Variants in MLLT10 observed in about 807,000 individuals in gnomAD.
MLLT10 encodes the protein protein AF-10.
Under a neutral mutation model 129.1 loss-of-function variants are expected in MLLT10, and 30 were observed. The observed-to-expected ratio is 0.23, with a 90% CI of 0.17 to 0.32. The LOEUF is 0.32. MLLT10 is among the 10% of genes least tolerant of loss of function. MLLT10 has a pLI of 1.00. For missense variants in MLLT10, 1,119 were observed against 1,268.3 expected, an observed-to-expected ratio of 0.88 and a Z score of 1.79; for synonymous variants, 490 against 446.4, an observed-to-expected ratio of 1.10 and a Z score of -1.23.
Position 21,742,017 on chromosome 10 carries a change from C to T in MLLT10, c.*34C>T. ...AAACATCTAGAAATTGCCTATCCTG[C>T]TGTTCTAGCACTTCATCTGGCTGCC... On this transcript the variant is annotated 3_prime_UTR_variant, in exon 23 of 23. Transcript: ENST00000307729. The T allele has an allele frequency of 6.2e-7, 1 of 1,606,166 alleles. No individual in the cohort carries two copies. The highest frequency in any genetic ancestry group is 2.2e-5 in the East Asian group (1 of 44,790).
intron 3 of MLLT10, among the ~76,000 whole-genome samples, chr10:21,548,476 T>C (rs1285528216): frequency 2.0e-5 from 3 of 151,864 alleles, no homozygotes; most frequent in African/African-American, 7.3e-5. Flanking sequence ...TTCACGCCAT[T>C]CTCCTGCCTC....
At chr10:21,618,471 C>T (rs2045487259) in intron 8 of MLLT10, among the ~76,000 whole-genome samples, 1 of 152,008 alleles carries the variant, frequency 6.6e-6, no homozygotes, top group African/African-American at 2.4e-5. Flanking sequence ...TGCCACTGCA[C>T]TCCAGCCTGG....
chr10:21,670,313 G>C, intron 9 of MLLT10, 136 bp from the exon 10 acceptor site: 1 of 726,422 alleles, frequency 1.4e-6, no homozygotes, highest in Non-Finnish European at 2.1e-6. Flanking sequence ...GATTTTCTTA[G>C]GTGAACTGAC....
chr10:21,659,413 C>T (rs1564595912), intron 9 of MLLT10, among the ~76,000 whole-genome samples: 2 of 151,626 alleles, frequency 1.3e-5, no homozygotes, highest in Middle Eastern at 3.4e-3. Context: ...TGAGGCAAAA[C>T]GTAAAAACCA....
chr10:21,547,490 C>A (rs2130931531), intron 3 of MLLT10, among the ~76,000 whole-genome samples: 1 of 150,808 alleles, frequency 6.6e-6, no homozygotes, highest in Middle Eastern at 3.4e-3. Context: ...CTCACCTTAG[C>A]CTTCTAAGTA....
intron 3 of MLLT10, among the ~76,000 whole-genome samples, chr10:21,571,485 A>G (rs1454438700): frequency 1.3e-5 from 2 of 152,338 alleles, no homozygotes; most frequent in East Asian, 3.9e-4. Context: ...CAAGGCAGTA[A>G]GCTGGGCACA....
rs1227864963 is a variant in MLLT10 at position 21,717,722 on chromosome 10, C to CTCCTCCTCTTCCTCCTCCTCCTCT, written c.1878+3780_1878+3781insTTCCTCCTCCTCCTCTTCCTCCTC. Among the ~76,000 whole-genome samples, 80 of 61,890 alleles carry CTCCTCCTCTTCCTCCTCCTCCTCT rather than the reference C, an allele frequency of 1.3e-3. 18 individuals carry two copies. The highest frequency in any genetic ancestry group is 3.6e-3 in the African/African-American group (48 of 13,162). The allele number at this position is 61,890 out of a possible 152,430, so 40.6% of individuals were successfully genotyped here. On this transcript the variant is annotated intron_variant, in intron 14 of 22. Coordinates refer to ENST00000307729, the MANE Select transcript of MLLT10 (RefSeq NM_001195626.3). ...CCTCTTCCTCCTCCTCCTCTTCCTC[C>CTCCTCCTCTTCCTCCTCCTCCTCT]TCCTCCTCCTCCTCTTCCTCCTCCT...
chr10:21,724,215 C>T (rs2057321939), intron 14 of MLLT10, among the ~76,000 whole-genome samples: 1 of 152,212 alleles, frequency 6.6e-6, no homozygotes, highest in South Asian at 2.1e-4. Flanking sequence ...TTAATTTACA[C>T]ATTAAAGTGT....
Position 21,676,720 on chromosome 10 carries a change from CAAAAAAAAAAAAAAAAAAAA to C in MLLT10, c.1621+2818_1621+2837del, listed in dbSNP as rs56000691. Among the ~76,000 whole-genome samples the C allele has an allele frequency of 1.4e-3, 46 of 32,010 alleles. No individual in the cohort carries two copies. The East Asian group carries it at 0.022, about 15-fold the overall frequency. 21.0% of individuals were successfully genotyped at this position (32,010 alleles called of 152,430 possible). A position where few individuals can be genotyped will look rare whatever the true frequency, so the allele number is the denominator to read the frequency against. ...TGGGAGACAGAGCGAGACTCCATCT[CAAAAAAAAAAAAAAAAAAAA>C]AAAAAAAAAAAAAAAATTACTCTGA... On this transcript the variant is annotated intron_variant, in intron 11 of 22. Coordinates refer to ENST00000307729, the MANE Select transcript of MLLT10 (RefSeq NM_001195626.3).
intron 11 of MLLT10, among the ~76,000 whole-genome samples, chr10:21,677,629 A>T (rs954559398): frequency 1.2e-4 from 18 of 152,220 alleles, no homozygotes; most frequent in Admixed American, 5.9e-4. Flanking sequence ...GTCTGTACAC[A>T]TTCAGTACAG....
At chr10:21,688,422 T>G in intron 13 of MLLT10, 1 of 1,323,642 alleles carries the variant, frequency 7.6e-7, no homozygotes, top group East Asian at 2.3e-5. Context: ...GTTTTTCAAC[T>G]TGTCTGTCAT....
intron 9 of MLLT10, among the ~76,000 whole-genome samples, chr10:21,657,068 C>T (rs1476936302): frequency 6.6e-6 from 1 of 152,056 alleles, no homozygotes; most frequent in Non-Finnish European, 1.5e-5. Flanking sequence ...TTTCCTTCTT[C>T]CCATGGTAGA....
intron 5 of MLLT10, among the ~76,000 whole-genome samples, chr10:21,598,961 C>T (rs561104581): frequency 1.3e-5 from 2 of 151,886 alleles, no homozygotes; most frequent in East Asian, 1.9e-4. Context: ...GGGTAGATCA[C>T]GAGGTCAGGA....
chr10:21,739,428 C>T (rs777879924), intron 21 of MLLT10, among the ~76,000 whole-genome samples: 1 of 152,218 alleles, frequency 6.6e-6, no homozygotes, highest in Non-Finnish European at 1.5e-5. Context: ...CTTAAAATTA[C>T]AACCTGACCA....
rs552855447 is a variant in MLLT10 at position 21,682,082 on chromosome 10, A to G, written c.1667-143A>G. On this transcript the variant is annotated intron_variant, in intron 12 of 22. Coordinates refer to ENST00000307729, the MANE Select transcript of MLLT10 (RefSeq NM_001195626.3). Reference sequence around the variant, plus strand: ...TTTATACCATGTAAAAATGGAGCCAAGCTTGCAGTTTTAATGATTCAAACA... The same window carrying G: ...TTTATACCATGTAAAAATGGAGCCAGGCTTGCAGTTTTAATGATTCAAACA... 1.7e-5 allele frequency: 9 copies of G among 544,518 alleles called. No homozygotes were observed. The African/African-American group carries it at 1.8e-4, about 11-fold the overall frequency. 33.7% of individuals were successfully genotyped at this position (544,518 alleles called of 1,614,324 possible).
intron 4 of MLLT10, 101 bp downstream of exon 4, chr10:21,586,449 C>G: frequency 1.1e-6 from 1 of 919,832 alleles, no homozygotes; most frequent in South Asian, 1.6e-5. Flanking sequence ...AATTAAACAG[C>G]GTTTTCTACT....
chr10:21,613,192 CAAAA>C (rs993493277), intron 6 of MLLT10, among the ~76,000 whole-genome samples: 2 of 24,642 alleles, frequency 8.1e-5, no homozygotes, highest in Non-Finnish European at 1.7e-4. Context: ...GACTCTGTCT[CAAAA>C]AAAAAAAAAA....
At chr10:21,534,093 A>C, upstream of MLLT10, 1 of 235,466 alleles carries the variant, frequency 4.2e-6, no homozygotes, top group Non-Finnish European at 8.2e-6. Flanking sequence ...CCCCCAGCAC[A>C]CCTCGGCGGC....
At chr10:21,570,744 C>T (rs2040114073) in intron 3 of MLLT10, among the ~76,000 whole-genome samples, 1 of 152,036 alleles carries the variant, frequency 6.6e-6, no homozygotes, top group Non-Finnish European at 1.5e-5. Context: ...TTCTAGCCTT[C>T]TGATCATATG....
Sources: allele counts gnomAD v4.1 joint callset (sites outside exome capture counted in the v4.1 genomes callset), GRCh38; gene constraint gnomAD v4.1.1; transcripts MANE v1.5; gene names NCBI Gene and HGNC (gene_info 2026-07-23, HGNC 2026-07-21).